Variants in RARS1 observed in about 807,000 individuals in gnomAD.
RARS1 encodes the protein arginine--tRNA ligase, cytoplasmic.
RARS1 carries 75 observed loss-of-function variants against 78.7 expected under a neutral mutation model. That is an observed-to-expected ratio of 0.95 (90% CI 0.79 to 1.15). RARS1 has a LOEUF of 1.15. RARS1 is among the 50% of genes most tolerant of loss of function. The pLI, the probability that RARS1 is intolerant of heterozygous loss-of-function variation, is 0.00. For missense variants in RARS1, 787 were observed against 787.5 expected, an observed-to-expected ratio of 1.00 and a Z score of 0.01; for synonymous variants, 273 against 268.2, an observed-to-expected ratio of 1.02 and a Z score of -0.18.
Position 168,518,071 on chromosome 5 carries a change from C to CTTTTTTTTTTCTTTTTTT in RARS1, c.1873+19_1873+20insCTTTTTTTTTTTTTTTTT, listed in dbSNP as rs1758710716. On this transcript the variant is annotated intron_variant, in intron 14 of 14. Transcript: ENST00000231572. ...GAAAGATAGACAGACTGGTGAGTGT[C>CTTTTTTTTTTCTTTTTTT]TTTTTTTTTTTTTTTTTTTTTTTTA... The CTTTTTTTTTTCTTTTTTT allele has an allele frequency of 1.6e-6, 1 of 632,602 alleles. No homozygotes were observed. Among genetic ancestry groups the CTTTTTTTTTTCTTTTTTT allele is most frequent in the Non-Finnish European group, 1.9e-6 (1 of 525,704 alleles). The allele number at this position is 632,602 out of a possible 1,614,324, so 39.2% of individuals were successfully genotyped here.
rs925916174 is a variant in RARS1 at position 168,495,521 on chromosome 5, G to A, written c.701+85G>A. On this transcript the variant is annotated intron_variant, in intron 6 of 14. Transcript: ENST00000231572. ...ATAGAACATGGAATATCTCACTCAAGAAAGAACATTCGACTAAATCAGTGG... is the reference window on the plus strand; with the variant it reads ...ATAGAACATGGAATATCTCACTCAAAAAAGAACATTCGACTAAATCAGTGG... 7.3e-6 allele frequency: 11 copies of A among 1,500,232 alleles called. 1 individual carries two copies. In the Middle Eastern group the frequency reaches 1.5e-3, roughly 207 times the overall value. The allele number at this position is 1,500,232 out of a possible 1,614,324, so 92.9% of individuals were successfully genotyped here.
chr5:168,517,008 C>A (rs1297980073), intron 13 of RARS1, 58 bp downstream of exon 13: 12 of 1,451,688 alleles, frequency 8.3e-6, no homozygotes, highest in African/African-American at 2.9e-5. Flanking sequence ...TTTAGTTACT[C>A]AAAAATATTT....
At chr5:168,506,893 T>A (rs1758460152) in intron 11 of RARS1, 62 bp downstream of exon 11, 1 of 1,285,786 alleles carries the variant, frequency 7.8e-7, no homozygotes, top group Non-Finnish European at 1.1e-6. Flanking sequence ...TACTTTTCAT[T>A]TGATACCATA....
chr5:168,503,780 TA>T (rs1687494282), intron 9 of RARS1, among the ~76,000 whole-genome samples: 1 of 152,094 alleles, frequency 6.6e-6, no homozygotes, highest in African/African-American at 2.4e-5. Context: ...TTTAAGATGA[TA>T]AAATTTTGGC....
At position 168,493,952 on chromosome 5, in the gene RARS1, A is replaced by G; in HGVS notation, c.428A>G (p.Lys143Arg). ...NPREIAENIT[K>R]HLPDNECIEK... is the part of the protein sequence containing the mutation. ...AGAGAAATTGCTGAAAACATTACCA[A>G]ACACCTCCCAGACAATGAATGTATT... Residue 143 changes from lysine (K) to arginine (R), a missense_variant, in exon 4 of 15, where the codon AAA becomes AGA. Transcript: ENST00000231572. The G allele has an allele frequency of 6.2e-7, 1 of 1,613,702 alleles. No homozygotes were observed. Among genetic ancestry groups the G allele is most frequent in the Non-Finnish European group, 8.5e-7 (1 of 1,179,622 alleles).
chr5:168,512,684 A>G (rs1758588455), intron 12 of RARS1, among the ~76,000 whole-genome samples: 1 of 152,210 alleles, frequency 6.6e-6, no homozygotes, highest in South Asian at 2.1e-4. Context: ...AGCACGGGAG[A>G]AAGATGTAGG....
At chr5:168,509,324 C>A (rs1473417923) in intron 11 of RARS1, among the ~76,000 whole-genome samples, 1 of 151,788 alleles carries the variant, frequency 6.6e-6, no homozygotes, top group East Asian at 1.9e-4. Flanking sequence ...CAAGTAGATT[C>A]TTGCTTGGGC....
chr5:168,509,200 G>A (rs1350196861), intron 11 of RARS1, among the ~76,000 whole-genome samples: 2 of 152,112 alleles, frequency 1.3e-5, no homozygotes, highest in African/African-American at 4.8e-5. Context: ...TCAGAGATTT[G>A]AAAGTTGAAC....
intron 11 of RARS1, among the ~76,000 whole-genome samples, chr5:168,509,022 GATACGCATCCCTC>G (rs1286441310): frequency 1.3e-5 from 2 of 152,030 alleles, no homozygotes; most frequent in Non-Finnish European, 2.9e-5. Flanking sequence ...TCGGTATTCA[GATACGCATCCCTC>G]ATTGTAGAGC....
intron 9 of RARS1, among the ~76,000 whole-genome samples, chr5:168,502,946 C>A (rs753977443): frequency 3.3e-5 from 5 of 152,100 alleles, no homozygotes; most frequent in African/African-American, 7.2e-5. Context: ...TTTTAAATTT[C>A]TTTTATTGTT....
chr5:168,502,182 C>T (rs1758340652), intron 9 of RARS1, 77 bp downstream of exon 9: 5 of 1,529,336 alleles, frequency 3.3e-6, no homozygotes, highest in Non-Finnish European at 4.4e-6. Flanking sequence ...TATAGTAATG[C>T]CAGCTTCATG....
At chr5:168,498,341 T>C (rs1192574559) in intron 7 of RARS1, among the ~76,000 whole-genome samples, 2 of 152,214 alleles carry the variant, frequency 1.3e-5, no homozygotes, top group African/African-American at 2.4e-5. Context: ...TGATGCTTAA[T>C]TTTATGTATT....
intron 7 of RARS1, among the ~76,000 whole-genome samples, chr5:168,498,812 C>A (rs868691070): frequency 5.3e-5 from 8 of 151,912 alleles, no homozygotes; most frequent in African/African-American, 1.9e-4. Context: ...ACAAAAAATA[C>A]AAAAGTTAGC....
In RARS1 at chr5:168,506,029, C is replaced by T. The variant is rs1758437166; in HGVS notation, c.1066C>T (p.Gln356Ter). ...TGTTTTTTACCCCCTAGGATTTGTG[C>T]AGGTGGATGATGGCAGAAAGATTGT... is the stretch of plus-strand genomic sequence containing the variant. ...VKEFEDRGFV[Q>*]VDDGRKIVFV... The change falls in exon 10 of 15, where the codon CAG (glutamine) becomes TAG (stop). Residue 356 changes from glutamine to a stop codon, truncating the protein, a stop_gained. Transcript: ENST00000231572. LOFTEE classifies it high-confidence loss of function. The T allele has an allele frequency of 1.3e-6, 2 of 1,598,588 alleles. No individual in the cohort carries two copies. Among genetic ancestry groups the T allele is most frequent in the Admixed American group, 1.7e-5 (1 of 57,584 alleles).
intron 13 of RARS1, 101 bp downstream of exon 13, chr5:168,517,051 T>G: frequency 8.1e-7 from 1 of 1,240,572 alleles, no homozygotes; most frequent in Non-Finnish European, 1.1e-6. Flanking sequence ...GACGGGGTCT[T>G]GGGCTCAAAT....
Position 168,496,675 on chromosome 5 carries a change from G to C in RARS1, c.702-553G>C, listed in dbSNP as rs867880009. Among the ~76,000 whole-genome samples the C allele has an allele frequency of 3.2e-4, 48 of 151,828 alleles. 1 individual carries two copies. Among genetic ancestry groups the C allele is most frequent in the Non-Finnish European group, 3.5e-4 (24 of 67,982 alleles). On this transcript the variant is annotated intron_variant, in intron 6 of 14. Coordinates refer to ENST00000231572, the MANE Select transcript of RARS1 (RefSeq NM_002887.4). ...TTTTTTGTATTTTTAGTAGAGACGG[G>C]GTTTCACCATGTTGGCCAGGCGGGT...
At chr5:168,495,016 T>C (rs900940011) in intron 5 of RARS1, 33 of 323,730 alleles carry the variant, frequency 1.0e-4, no homozygotes, top group African/African-American at 1.3e-4. Flanking sequence ...TTTTTTTTTT[T>C]CACTTAATTC....
At chr5:168,497,005 C>T (rs944132104) in intron 6 of RARS1, 13 of 363,754 alleles carry the variant, frequency 3.6e-5, no homozygotes, top group Admixed American at 1.4e-4. Context: ...CTTGTGCAGC[C>T]TCTAGTACTT....
chr5:168,500,534 A>C, intron 7 of RARS1, 57 bp from the exon 8 acceptor site: 1 of 1,352,546 alleles, frequency 7.4e-7, no homozygotes, highest in Non-Finnish European at 9.5e-7. Context: ...CTTTTTCTAG[A>C]AATACAGGAT....
Sources: gnomAD v4.1 joint callset for allele counts (sites outside exome capture counted in the v4.1 genomes callset) on GRCh38, gnomAD v4.1.1 for gene constraint, MANE v1.5 for transcripts, NCBI Gene and HGNC (gene_info 2026-07-23, HGNC 2026-07-21) for gene names.